KLF12: variants seen among roughly 807,000 people sequenced by gnomAD.
KLF12 encodes the protein KLF transcription factor 12.
A neutral mutation model predicts 37.8 loss-of-function variants in KLF12; 9 were observed. That is an observed-to-expected ratio of 0.24 (90% CI 0.14 to 0.42). KLF12 has a LOEUF of 0.42. Among genes scored for constraint, KLF12 ranks in the 10% least tolerant of loss-of-function variants. The probability of loss-of-function intolerance (pLI) is 1.00; values close to 1 mark genes in which losing one functional copy is unlikely to be tolerated. For synonymous variants in KLF12, 208 were observed against 202.1 expected (o/e 1.03, Z -0.25); for missense variants, 411 against 516.0 (o/e 0.80, Z 1.97).
intron 1 of KLF12, among the ~76,000 whole-genome samples, chr13:74,048,348 A>AG: frequency 6.6e-6 from 1 of 152,306 alleles, no homozygotes; most frequent in South Asian, 2.1e-4. Context: ...CCTCTCTCAC[A>AG]GCTGGGTTTC....
At chr13:73,927,745 A>ATTT (rs34515464) in intron 3 of KLF12, among the ~76,000 whole-genome samples, 1 of 136,010 alleles carries the variant, frequency 7.4e-6, no homozygotes, top group Non-Finnish European at 1.6e-5. Context: ...ACCCGGCTAA[A>ATTT]TTTTTTTTTT....
At chr13:73,799,232 G>A (rs1340841500) in intron 5 of KLF12, among the ~76,000 whole-genome samples, 3 of 152,052 alleles carry the variant, frequency 2.0e-5, no homozygotes, top group African/African-American at 7.2e-5. Context: ...ACACAAAGAA[G>A]GAAGCAGACA....
intron 5 of KLF12, among the ~76,000 whole-genome samples, chr13:73,771,164 G>T (rs1323552262): frequency 6.6e-6 from 1 of 152,094 alleles, no homozygotes; most frequent in Admixed American, 6.5e-5. Context: ...AGTTCTCATG[G>T]CACGGGGTAC....
chr13:74,140,781 C>T, the KLF12 span, among the ~76,000 whole-genome samples: 564 of 152,096 alleles, frequency 3.7e-3, 5 homozygotes, highest in Middle Eastern at 6.8e-3. Flanking sequence ...GAGCAGGGTG[C>T]GGTGGCTCAT....
intron 2 of KLF12, among the ~76,000 whole-genome samples, chr13:73,980,775 C>G (rs1461329709): frequency 6.6e-6 from 1 of 152,130 alleles, no homozygotes; most frequent in African/African-American, 2.4e-5. Context: ...CACTATTTAA[C>G]GCACACCAGA....
intron 3 of KLF12, among the ~76,000 whole-genome samples, chr13:73,897,462 G>A (rs544265146): frequency 2.0e-5 from 3 of 152,176 alleles, no homozygotes; most frequent in Admixed American, 1.3e-4. Context: ...TCCCCCATCC[G>A]AATCAGGTAT....
At chr13:73,836,737 C>T (rs945404290) in intron 4 of KLF12, among the ~76,000 whole-genome samples, 1 of 152,042 alleles carries the variant, frequency 6.6e-6, no homozygotes, top group Non-Finnish European at 1.5e-5. Context: ...AGATATTACA[C>T]ATCAAAATCC....
At chr13:74,189,994 A>G in the KLF12 span, among the ~76,000 whole-genome samples, 1 of 152,306 alleles carries the variant, frequency 6.6e-6, no homozygotes, top group South Asian at 2.1e-4. Context: ...AACTACTACA[A>G]TATTGAGTAA....
rs1232552225 is a variant in KLF12 at position 73,876,839 on chromosome 13, AC to A, written c.124-30467del. ...AGACCAGCCTGGCCAACATGGGGAA[AC>A]CCTGTCTCCACTAAAAATACAAAAA... On this transcript the variant is annotated intron_variant, in intron 3 of 7. Coordinates refer to ENST00000377669, the MANE Select transcript of KLF12 (RefSeq NM_007249.5). Among the ~76,000 whole-genome samples the A allele has an allele frequency of 7.2e-5, 11 of 151,824 alleles. No homozygotes were observed. In the East Asian group the frequency reaches 1.9e-3, roughly 27 times the overall value.
At chr13:73,900,705 G>A (rs1384132064) in intron 3 of KLF12, among the ~76,000 whole-genome samples, 1 of 151,646 alleles carries the variant, frequency 6.6e-6, no homozygotes, top group Non-Finnish European at 1.5e-5. Context: ...ATTCTTGAAA[G>A]AAAGTGAATT....
At chr13:73,925,989 T>C (rs1002929949) in intron 3 of KLF12, among the ~76,000 whole-genome samples, 2 of 152,210 alleles carry the variant, frequency 1.3e-5, no homozygotes, top group African/African-American at 4.8e-5. Flanking sequence ...AGTCGCTTTT[T>C]CCAGATAAGC....
Position 73,845,916 on chromosome 13 carries a change from G to A in KLF12, c.581C>T (p.Pro194Leu). Residue 194 changes from proline to leucine, a missense_variant, in exon 4 of 8, where the codon CCT becomes CTT. By Grantham distance (98) the Pro-to-Leu change is moderately conservative (BLOSUM62 -3). Transcript: ENST00000377669. ...TGACCTTACAGCTGTGTAGACAACAGGCACCGACTGTACCACCACGGGGAT... is the reference window on the plus strand; with the variant it reads ...TGACCTTACAGCTGTGTAGACAACAAGCACCGACTGTACCACCACGGGGAT... The A allele has an allele frequency of 6.2e-7, 1 of 1,614,170 alleles. No individual in the cohort carries two copies. Among genetic ancestry groups the A allele is most frequent in the Non-Finnish European group, 8.5e-7 (1 of 1,180,006 alleles).
chr13:74,299,422 T>C, the KLF12 span, among the ~76,000 whole-genome samples: 5 of 152,200 alleles, frequency 3.3e-5, no homozygotes, highest in Non-Finnish European at 7.3e-5. Context: ...ACTTCATAAA[T>C]TGGAGTGGAT....
In KLF12 at chr13:73,846,384, A is replaced by G; in HGVS notation, c.124-11T>C. 1.3e-6 allele frequency: 2 copies of G among 1,598,488 alleles called. No individual in the cohort carries two copies. Among genetic ancestry groups the G allele is most frequent in the Non-Finnish European group, 1.7e-6 (2 of 1,172,552 alleles). Reference sequence around the variant, plus strand: ...GTGGACGTTTGGAGACTGTGGGGAGAAAAATGGAACATATATTTATCTTTG... The same window carrying G: ...GTGGACGTTTGGAGACTGTGGGGAGGAAAATGGAACATATATTTATCTTTG... On this transcript the variant is annotated splice_polypyrimidine_tract_variant and intron_variant, in intron 3 of 7. Transcript: ENST00000377669.
intron 1 of KLF12, among the ~76,000 whole-genome samples, chr13:74,031,975 C>T (rs1225726023): frequency 6.6e-6 from 1 of 152,012 alleles, no homozygotes; most frequent in African/African-American, 2.4e-5. Context: ...AGAGAAATTC[C>T]TTCACTGAGG....
intron 3 of KLF12, among the ~76,000 whole-genome samples, chr13:73,896,997 G>T (rs1170022391): frequency 6.6e-6 from 1 of 152,096 alleles, no homozygotes; most frequent in Non-Finnish European, 1.5e-5. Flanking sequence ...AGAGGCAACA[G>T]GCCGGCAAAA....
the KLF12 span, among the ~76,000 whole-genome samples, chr13:74,265,465 A>T: frequency 1.3e-5 from 2 of 152,234 alleles, no homozygotes; most frequent in African/African-American, 4.8e-5. Flanking sequence ...AAACAGAGTC[A>T]TTACTCTATT....
At chr13:74,221,994 TTACCC>T in the KLF12 span, among the ~76,000 whole-genome samples, 1 of 152,180 alleles carries the variant, frequency 6.6e-6, no homozygotes, top group African/African-American at 2.4e-5. Flanking sequence ...TTCCTTCCCT[TTACCC>T]TACCACACCT....
the KLF12 span, among the ~76,000 whole-genome samples, chr13:74,182,160 A>G: frequency 6.6e-6 from 1 of 152,236 alleles, no homozygotes; most frequent in Non-Finnish European, 1.5e-5. Context: ...CAAATTTTTT[A>G]ATACTATTCT....
Sources: allele counts gnomAD v4.1 joint callset (sites outside exome capture counted in the v4.1 genomes callset), GRCh38; gene constraint gnomAD v4.1.1; transcripts MANE v1.5; gene names NCBI Gene and HGNC (gene_info 2026-07-23, HGNC 2026-07-21).